Variants in SMPD2 observed in about 807,000 individuals in gnomAD.
SMPD2 encodes sphingomyelin phosphodiesterase 2.
A neutral mutation model predicts 41.7 loss-of-function variants in SMPD2; 35 were observed. The ratio of observed to expected loss-of-function variants is 0.84; its 90% CI spans 0.64 to 1.11. The LOEUF (loss-of-function observed/expected upper bound fraction) is 1.11, where lower values mean the gene tolerates loss of function less well. Ranked by LOEUF, SMPD2 falls within the 50% of genes most tolerant of loss-of-function variation. The pLI is 0.00. For missense variants in SMPD2, 520 were observed against 524.8 expected (o/e 0.99, Z 0.09); for synonymous variants, 201 against 208.2 (o/e 0.97, Z 0.30).
intron 3 of SMPD2, 56 bp from the exon 4 acceptor site, chr6:109,441,918 G>A: frequency 6.8e-7 from 1 of 1,478,624 alleles, no homozygotes; most frequent in Non-Finnish European, 9.5e-7. Flanking sequence ...GGGAGGGGAA[G>A]AAGGCTGGGT....
In SMPD2 at chr6:109,443,716, T is replaced by C. The variant is rs1470025447; in HGVS notation, c.1083T>C (p.Ser361=). 1.2e-6 allele frequency: 2 copies of C among 1,614,052 alleles called. No individual in the cohort carries two copies. Among genetic ancestry groups the C allele is most frequent in the South Asian group, 1.1e-5 (1 of 91,088 alleles). ...CTGCCATACTGCTCTGGACCCCCAG[T>C]GTAGGGCTGGTGCTGTGGGCAGGTG... is the stretch of plus-strand genomic sequence containing the variant. ...GEAAILLWTP[S]VGLVLWAGAF... is the part of the protein sequence containing the mutation. The change falls in exon 10 of 10, where the codon AGT becomes AGC. Residue 361 remains serine, a synonymous_variant. Coordinates refer to ENST00000258052, the MANE Select transcript of SMPD2 (RefSeq NM_003080.3).
chr6:109,442,089 T>C, intron 4 of SMPD2, 22 bp downstream of exon 4: 1 of 1,594,070 alleles, frequency 6.3e-7, no homozygotes, highest in South Asian at 1.1e-5. Context: ...CTTTGACCTC[T>C]TCCACCTCCC....
In SMPD2 at chr6:109,440,860, C is replaced by G. The variant is rs1398812987; in HGVS notation, c.-262C>G. 7 of 527,272 alleles carry G rather than the reference C, an allele frequency of 1.3e-5. No homozygotes were observed. Among genetic ancestry groups the G allele is most frequent in the South Asian group, 9.9e-5 (4 of 40,534 alleles). The allele number at this position is 527,272 out of a possible 1,614,324, so 32.7% of individuals were successfully genotyped here. The stretch of plus-strand genomic sequence containing the variant: ...ACCCCCAGGGTCCTAGCGCGCGGCC[C>G]TTACCGAGCCTGGGCGCCCGGATTT... On this transcript the variant is annotated 5_prime_UTR_variant, in exon 1 of 10. Coordinates refer to ENST00000258052, the MANE Select transcript of SMPD2 (RefSeq NM_003080.3).
Position 109,442,780 on chromosome 6 carries a change from C to T in SMPD2, c.520C>T (p.Leu174=), listed in dbSNP as rs759155263. The T allele has an allele frequency of 4.3e-6, 7 of 1,614,162 alleles. No homozygotes were observed. In the East Asian group the frequency reaches 1.3e-4, roughly 31 times the overall value. The change falls in exon 7 of 10, where the codon CTG becomes TTG. Residue 174 remains leucine, a synonymous_variant. Transcript: ENST00000258052. The stretch of plus-strand genomic sequence containing the variant: ...CACATCCAAGAAGGCAGACGTGGTT[C>T]TGTTGTGTGGAGACCTCAACATGCA... ...HHTSKKADVV[L]LCGDLNMHPE...
intron 8 of SMPD2, 40 bp from the exon 9 acceptor site, chr6:109,443,227 C>T: frequency 1.3e-6 from 2 of 1,587,700 alleles, no homozygotes; most frequent in Non-Finnish European, 1.7e-6. Context: ...GGGAAGAGGC[C>T]CTCATATATA....
Position 109,442,228 on chromosome 6 carries a change from T to G in SMPD2, c.337T>G (p.Phe113Val), listed in dbSNP as rs950901974. ...CCTGCAGATCCATCATGGTGACTGG[T>G]TCAGTGGGAAGGCTGTGGGGCTGCT... Reference protein sequence around the residue: ...YPYMIHHGDWFSGKAVGLLVL... With the variant: ...YPYMIHHGDWVSGKAVGLLVL... The change falls in exon 5 of 10, where the codon TTC becomes GTC. Residue 113 changes from phenylalanine to valine, a missense_variant. Phe to Val is a conservative substitution (Grantham distance 50). Coordinates refer to ENST00000258052, the MANE Select transcript of SMPD2 (RefSeq NM_003080.3). 6.2e-7 allele frequency: 1 copy of G among 1,614,154 alleles called. No homozygotes were observed. Among genetic ancestry groups the G allele is most frequent in the Non-Finnish European group, 8.5e-7 (1 of 1,179,992 alleles).
intron 5 of SMPD2, 50 bp downstream of exon 5, chr6:109,442,349 G>T: frequency 6.4e-7 from 1 of 1,554,448 alleles, no homozygotes; most frequent in Non-Finnish European, 8.9e-7. Flanking sequence ...CCCAGTCCTG[G>T]GACAGAGAGA....
In SMPD2 at chr6:109,443,620, T is replaced by G; in HGVS notation, c.987T>G (p.Tyr329Ter). ...GCTGGTGGGCCACCTTCGCTAGCTA[T>G]GTGATTGGCCTGGGGCTGCTTCTCC... ...QARWWATFASYVIGLGLLLLA... is the reference protein window; with the variant it reads ...QARWWATFAS Residue 329 changes from tyrosine (Y) to a stop codon, truncating the protein, a stop_gained, in exon 10 of 10, where the codon TAT becomes TAG. Transcript: ENST00000258052. LOFTEE classifies it low-confidence loss of function (END_TRUNC). 6.2e-7 allele frequency: 1 copy of G among 1,613,954 alleles called. No individual in the cohort carries two copies. The highest frequency in any genetic ancestry group is 8.5e-7 in the Non-Finnish European group (1 of 1,179,964).
Position 109,441,995 on chromosome 6 carries a change from CTG to C in SMPD2, c.250_251del (p.Val84LeufsTer27), listed in dbSNP as rs752360546. On this transcript the variant is annotated frameshift_variant, in exon 4 of 10. Coordinates refer to ENST00000258052, the MANE Select transcript of SMPD2 (RefSeq NM_003080.3). LOFTEE classifies it high-confidence loss of function. ...FRSGIIGSGLCVFSKHPIQEL... is the reference protein window; with the variant it reads ...FRSGIIGSGLXVFSKHPIQEL... ...TCAGCGGAATCATTGGCAGTGGCCTCTGTGTCTTCTCCAAACATCCAATCCAG... is the reference window on the plus strand; with the variant it reads ...TCAGCGGAATCATTGGCAGTGGCCTCTGTCTTCTCCAAACATCCAATCCAG... 2.5e-6 allele frequency: 4 copies of C among 1,614,198 alleles called. No homozygotes were observed.
rs889870540 is a variant in SMPD2, at chr6:109,440,876, G to T, written c.-246G>T. The T allele has an allele frequency of 1.1e-5, 6 of 538,292 alleles. No homozygotes were observed. The highest frequency in any genetic ancestry group is 6.8e-5 in the East Asian group (2 of 29,322). 33.3% of individuals were successfully genotyped at this position (538,292 alleles called of 1,614,324 possible). ...CGCGCGGCCCTTACCGAGCCTGGGCGCCCGGATTTCGGCAGCGGATCGCCT... is the reference window on the plus strand; with the variant it reads ...CGCGCGGCCCTTACCGAGCCTGGGCTCCCGGATTTCGGCAGCGGATCGCCT... On this transcript the variant is annotated 5_prime_UTR_variant, in exon 1 of 10. Transcript: ENST00000258052.
In SMPD2 at chr6:109,443,780, T is replaced by C. The variant is rs772692685; in HGVS notation, c.1147T>C (p.Tyr383His). 1.9e-5 allele frequency: 30 copies of C among 1,614,124 alleles called. No homozygotes were observed. The highest frequency in any genetic ancestry group is 2.5e-5 in the Non-Finnish European group (29 of 1,180,010). Residue 383 changes from tyrosine (Y) to histidine (H), a missense_variant, in exon 10 of 10, where the codon TAT becomes CAT. By Grantham distance (83) the Tyr-to-His change is moderately conservative. Transcript: ENST00000258052. ...LFHVQEVNGL[Y>H]RAQAELQHVL... The stretch of plus-strand genomic sequence containing the variant: ...CCACGTACAGGAGGTCAATGGCTTA[T>C]ATAGGGCCCAGGCTGAGCTCCAGCA...
chr6:109,442,935 CCTT>C (rs1312611785), intron 7 of SMPD2, 39 bp from the exon 8 acceptor site: 8 of 1,610,628 alleles, frequency 5.0e-6, no homozygotes, highest in African/African-American at 2.7e-5. Context: ...TTCTCTCCCT[CCTT>C]CTCCCCCACA....
intron 8 of SMPD2, 55 bp downstream of exon 8, chr6:109,443,136 C>A: frequency 6.5e-7 from 1 of 1,544,736 alleles, no homozygotes; most frequent in Non-Finnish European, 8.9e-7. Flanking sequence ...TGTCTACTAA[C>A]CTGTGTAGAT....
chr6:109,441,321 C>T (rs1277422649), intron 1 of SMPD2, 36 bp from the exon 2 acceptor site: 1 of 1,599,702 alleles, frequency 6.3e-7, no homozygotes, highest in South Asian at 1.1e-5. Context: ...GTGGTCCCAG[C>T]AGTCGCCTCC....
rs757943867 is a variant in SMPD2, at chr6:109,443,069, C to T, written c.717C>T (p.Tyr239=). The change falls in exon 8 of 10, where the codon TAC becomes TAT. Residue 239 remains tyrosine, a synonymous_variant. Transcript: ENST00000258052. ...KPFPFGVRID[Y]VLYKAVSGFY... ...TTCCCTTTGGTGTCCGCATTGACTACGTGCTTTACAAGGTCAGGCTCCTCC... is the reference window on the plus strand; with the variant it reads ...TTCCCTTTGGTGTCCGCATTGACTATGTGCTTTACAAGGTCAGGCTCCTCC... 2.1e-5 allele frequency: 34 copies of T among 1,613,506 alleles called. No individual in the cohort carries two copies. Among genetic ancestry groups the T allele is most frequent in the African/African-American group, 4.0e-5 (3 of 74,916 alleles).
In SMPD2 at chr6:109,443,897, GAAC is replaced by G. The variant is rs1484993763; in HGVS notation, c.1267_1269del (p.Gln423del). 3 of 1,605,166 alleles carry G rather than the reference GAAC, an allele frequency of 1.9e-6. No individual in the cohort carries two copies. In the East Asian group the frequency reaches 6.7e-5, roughly 36 times the overall value. ...GCAGCAGGAGGGGGACAGAACTAAA[GAAC>G]AATAAAGCTTGGCCCTTTAGTGGCT... On this transcript the variant is annotated inframe_deletion, in exon 10 of 10. Coordinates refer to ENST00000258052, the MANE Select transcript of SMPD2 (RefSeq NM_003080.3).
At chr6:109,443,143 A>G in intron 8 of SMPD2, 62 bp downstream of exon 8, 1 of 1,550,594 alleles carries the variant, frequency 6.4e-7, no homozygotes, top group Non-Finnish European at 8.9e-7. Context: ...TAACCTGTGT[A>G]GATCCTTTGC....
Position 109,443,735 on chromosome 6 carries a change from G to A in SMPD2, c.1102G>A (p.Ala368Thr). The change falls in exon 10 of 10, where the codon GCA becomes ACA. Residue 368 changes from alanine (A) to threonine (T), a missense_variant. Ala to Thr is a moderately conservative substitution (Grantham distance 58). Coordinates refer to ENST00000258052, the MANE Select transcript of SMPD2 (RefSeq NM_003080.3). The stretch of plus-strand genomic sequence containing the variant: ...CCCCAGTGTAGGGCTGGTGCTGTGG[G>A]CAGGTGCATTCTACCTCTTCCACGT... ...WTPSVGLVLWAGAFYLFHVQE... is the reference protein window; with the variant it reads ...WTPSVGLVLWTGAFYLFHVQE... The A allele has an allele frequency of 6.2e-7, 1 of 1,613,992 alleles. No homozygotes were observed. The highest frequency in any genetic ancestry group is 2.2e-5 in the East Asian group (1 of 44,868).
intron 5 of SMPD2, 45 bp from the exon 6 acceptor site, chr6:109,442,498 G>T: frequency 6.5e-7 from 1 of 1,540,524 alleles, no homozygotes; most frequent in South Asian, 1.2e-5. Flanking sequence ...ACATACCCCT[G>T]GGACCCTCAG....
Sources: gnomAD v4.1 joint callset for allele counts on GRCh38, gnomAD v4.1.1 for gene constraint, MANE v1.5 for transcripts, NCBI Gene and HGNC (gene_info 2026-07-23, HGNC 2026-07-21) for gene names.